The following EYS variants were observed in gnomAD, a reference collection of about 807,000 sequenced individuals.
EYS encodes the protein EGF-like photoreceptor maintenance factor.
Under a neutral mutation model 282.1 loss-of-function variants are expected in EYS, and 250 were observed. That is an observed-to-expected ratio of 0.89 (90% CI 0.80 to 0.98). The LOEUF is 0.98. Among genes scored for constraint, EYS ranks in the 50% least tolerant of loss-of-function variants. The pLI is 0.00. For synonymous variants in EYS, 1,355 were observed against 1,282.9 expected, an observed-to-expected ratio of 1.06 and a Z score of -1.20; for missense variants, 4,016 against 3,709.0, an observed-to-expected ratio of 1.08 and a Z score of -2.15.
chr6:63,941,792 G>T (rs1765250624), intron 35 of EYS, among the ~76,000 whole-genome samples: 3 of 152,118 alleles, frequency 2.0e-5, no homozygotes, highest in Non-Finnish European at 4.4e-5. Context: ...CTATACAGCT[G>T]CTAAGCTACT....
intron 36 of EYS, among the ~76,000 whole-genome samples, chr6:63,819,714 T>G (rs148163177): frequency 3.2e-4 from 49 of 152,318 alleles, no homozygotes; most frequent in Middle Eastern, 6.8e-3. Flanking sequence ...AAGCCTGTTG[T>G]TTAGAAGTAA....
chr6:63,733,236 C>T (rs1768823821), intron 41 of EYS, among the ~76,000 whole-genome samples: 1 of 152,124 alleles, frequency 6.6e-6, no homozygotes, highest in African/African-American at 2.4e-5. Context: ...GAGACTTTCA[C>T]CTACTGGCTA....
At chr6:64,391,241 C>G (rs935708387) in intron 28 of EYS, among the ~76,000 whole-genome samples, 2 of 151,626 alleles carry the variant, frequency 1.3e-5, no homozygotes, top group Non-Finnish European at 1.5e-5. Flanking sequence ...TCTAGCAAAG[C>G]AGGCCAACAT....
At chr6:64,153,274 C>T (rs1296902673) in intron 31 of EYS, among the ~76,000 whole-genome samples, 3 of 152,266 alleles carry the variant, frequency 2.0e-5, no homozygotes, top group Non-Finnish European at 2.9e-5. Context: ...GAGATGTTGA[C>T]ACTTGTGTTT....
At chr6:64,509,650 A>G (rs1777321757) in intron 26 of EYS, among the ~76,000 whole-genome samples, 1 of 152,138 alleles carries the variant, frequency 6.6e-6, no homozygotes, top group Non-Finnish European at 1.5e-5. Context: ...CCCTGTAGTG[A>G]AAGAGTATTT....
At chr6:64,570,011 T>C (rs570834280) in intron 26 of EYS, among the ~76,000 whole-genome samples, 3 of 151,904 alleles carry the variant, frequency 2.0e-5, no homozygotes, top group African/African-American at 7.2e-5. Context: ...AAGGATGAAA[T>C]GAAGGAAAAA....
intron 26 of EYS, among the ~76,000 whole-genome samples, chr6:64,484,103 G>C (rs1370126762): frequency 1.3e-5 from 2 of 151,554 alleles, no homozygotes; most frequent in African/African-American, 4.8e-5. Flanking sequence ...AATCACACAG[G>C]ATTTTCAGCA....
At chr6:63,767,133 C>T (rs1398535136) in intron 40 of EYS, among the ~76,000 whole-genome samples, 21 of 151,922 alleles carry the variant, frequency 1.4e-4, no homozygotes, top group African/African-American at 2.7e-4. Flanking sequence ...TCATCCTGAA[C>T]GGGTGAAAGA....
At chr6:65,362,272 G>A (rs1445174420) in intron 8 of EYS, among the ~76,000 whole-genome samples, 1 of 152,048 alleles carries the variant, frequency 6.6e-6, no homozygotes, top group African/African-American at 2.4e-5. Flanking sequence ...GTAAAAGAAT[G>A]AAATTGTCCC....
At chr6:65,094,400 C>T (rs1024945696) in intron 12 of EYS, among the ~76,000 whole-genome samples, 1 of 148,890 alleles carries the variant, frequency 6.7e-6, no homozygotes, top group Non-Finnish European at 1.5e-5. Context: ...ATGAAAGATT[C>T]CATACAATAG....
chr6:65,553,462 A>G (rs545433804), intron 2 of EYS, among the ~76,000 whole-genome samples: 1 of 152,294 alleles, frequency 6.6e-6, no homozygotes, highest in East Asian at 1.9e-4. Flanking sequence ...ACTCCTGTCA[A>G]TACTTTTGTC....
At position 65,344,018 on chromosome 6, in the gene EYS, A is replaced by T; in HGVS notation, c.1599+20T>A. 1.2e-6 allele frequency: 2 copies of T among 1,602,408 alleles called. No homozygotes were observed. The highest frequency in any genetic ancestry group is 1.7e-6 in the Non-Finnish European group (2 of 1,171,170). On this transcript the variant is annotated intron_variant, in intron 10 of 42. Coordinates refer to ENST00000503581, the MANE Select transcript of EYS (RefSeq NM_001142800.2). ...AAGCTAAAGAGAAAAATGAAAAGCA[A>T]CTACATAAAATTACCTTACCTCTTT...
Position 65,660,591 on chromosome 6 carries a change from A to G in EYS, c.-447-20699T>C, listed in dbSNP as rs116545612. On this transcript the variant is annotated intron_variant, in intron 1 of 42. Coordinates refer to ENST00000503581, the MANE Select transcript of EYS (RefSeq NM_001142800.2). Reference sequence around the variant, plus strand: ...GAATTCTACATTTTTGGGAAAAAAGATGTTCTTCTATGGTAAGGGAAATAT... The same window carrying G: ...GAATTCTACATTTTTGGGAAAAAAGGTGTTCTTCTATGGTAAGGGAAATAT... Among the ~76,000 whole-genome samples, 125 of 151,914 alleles carry G rather than the reference A, an allele frequency of 8.2e-4. 1 individual carries two copies. The highest frequency in any genetic ancestry group is 2.9e-3 in the African/African-American group (121 of 41,536).
chr6:65,618,478 A>G (rs12211041), intron 2 of EYS, among the ~76,000 whole-genome samples: 49,013 of 151,264 alleles, frequency 0.32, 7,236 homozygotes, highest in Non-Finnish European at 0.45. Flanking sequence ...AGTAGGTTGC[A>G]AAAATTTTTT....
chr6:64,406,989 C>T (rs945909602), intron 28 of EYS, among the ~76,000 whole-genome samples: 13 of 152,158 alleles, frequency 8.5e-5, no homozygotes, highest in African/African-American at 2.9e-4. Context: ...ACTATAAAGA[C>T]ACATGCACAC....
chr6:65,381,703 T>C (rs972863987), intron 8 of EYS, among the ~76,000 whole-genome samples: 3 of 152,222 alleles, frequency 2.0e-5, no homozygotes, highest in East Asian at 1.9e-4. Flanking sequence ...TTTTCATTTA[T>C]ATCTAAAGAT....
chr6:65,513,247 T>A (rs1045990672), intron 2 of EYS, among the ~76,000 whole-genome samples: 1 of 152,074 alleles, frequency 6.6e-6, no homozygotes, highest in Non-Finnish European at 1.5e-5. Flanking sequence ...CAGGAAGAAG[T>A]TGAATCTCTG....
intron 28 of EYS, among the ~76,000 whole-genome samples, chr6:64,416,512 T>C (rs1318175733): frequency 7.2e-6 from 1 of 139,568 alleles, no homozygotes; most frequent in African/African-American, 2.7e-5. Context: ...TTATAAGCCG[T>C]TAGGTCTTTT....
intron 35 of EYS, among the ~76,000 whole-genome samples, chr6:63,966,633 T>C (rs1485711052): frequency 6.6e-6 from 1 of 152,238 alleles, no homozygotes; most frequent in African/African-American, 2.4e-5. Context: ...GCCTGAAGTT[T>C]AATCCCTGCC....
Sources: allele counts gnomAD v4.1 joint callset (sites outside exome capture counted in the v4.1 genomes callset), GRCh38; gene constraint gnomAD v4.1.1; transcripts MANE v1.5; gene names NCBI Gene and HGNC (gene_info 2026-07-23, HGNC 2026-07-21).